Variants in GRID2 observed in about 807,000 individuals in gnomAD.
GRID2 encodes glutamate receptor ionotropic, delta-2.
Under a neutral mutation model 114.8 loss-of-function variants are expected in GRID2, and 33 were observed. The ratio of observed to expected loss-of-function variants is 0.29; its 90% CI spans 0.22 to 0.38. GRID2 has a LOEUF of 0.38. Ranked by LOEUF, GRID2 falls within the 10% of genes least tolerant of loss-of-function variation. The probability of loss-of-function intolerance (pLI) is 1.00; values close to 1 mark genes in which losing one functional copy is unlikely to be tolerated. For missense variants in GRID2, 1,184 were observed against 1,257.7 expected, an observed-to-expected ratio of 0.94 and a Z score of 0.89; for synonymous variants, 505 against 449.9, an observed-to-expected ratio of 1.12 and a Z score of -1.55.
At chr4:93,719,941 G>A (rs1729211730) in intron 14 of GRID2, among the ~76,000 whole-genome samples, 1 of 152,026 alleles carries the variant, frequency 6.6e-6, no homozygotes, top group Non-Finnish European at 1.5e-5. Flanking sequence ...TCTCTCCCTG[G>A]TCTCAAGCTG....
At chr4:93,039,058 G>T (rs1725229137) in intron 2 of GRID2, among the ~76,000 whole-genome samples, 1 of 152,008 alleles carries the variant, frequency 6.6e-6, no homozygotes, top group Admixed American at 6.6e-5. Flanking sequence ...GCAAAAACTT[G>T]GAACCAACCC....
intron 1 of GRID2, among the ~76,000 whole-genome samples, chr4:92,406,722 A>C (rs1731043732): frequency 6.6e-6 from 1 of 150,740 alleles, no homozygotes; most frequent in Non-Finnish European, 1.5e-5. Context: ...CCATCTAGTG[A>C]TGCCCAGTGT....
At chr4:93,482,716 A>G (rs1462380047) in intron 11 of GRID2, among the ~76,000 whole-genome samples, 1 of 151,912 alleles carries the variant, frequency 6.6e-6, no homozygotes, top group Non-Finnish European at 1.5e-5. Flanking sequence ...AAATAAATAA[A>G]TAAATTCTAA....
At chr4:93,284,474 A>G (rs2149132644) in intron 8 of GRID2, among the ~76,000 whole-genome samples, 1 of 152,104 alleles carries the variant, frequency 6.6e-6, no homozygotes, top group South Asian at 2.1e-4. Flanking sequence ...TTACCTATGT[A>G]ACAAACCTGC....
At chr4:92,485,326 ATATATATATATATATATATATAGTGT>A (rs1314022931) in intron 1 of GRID2, among the ~76,000 whole-genome samples, 7 of 110,258 alleles carry the variant, frequency 6.3e-5, no homozygotes, top group African/African-American at 3.4e-5. Flanking sequence ...ATATATATAT[ATATATATATATATATATATATAGTGT>A]GTGTGTGTGT....
At chr4:93,373,634 G>A (rs1262023247) in intron 8 of GRID2, among the ~76,000 whole-genome samples, 2 of 152,150 alleles carry the variant, frequency 1.3e-5, no homozygotes, top group Non-Finnish European at 2.9e-5. Context: ...ATTTGTAACT[G>A]AATCTTTGCT....
chr4:93,805,477 C>G (rs573578019), intron 1 of GRID2, among the ~76,000 whole-genome samples: 2 of 152,290 alleles, frequency 1.3e-5, no homozygotes, highest in Non-Finnish European at 2.9e-5. Flanking sequence ...AAATTACTTG[C>G]TGAAATAACT....
chr4:92,757,658 A>G (rs1026005456), intron 2 of GRID2, among the ~76,000 whole-genome samples: 6 of 152,082 alleles, frequency 3.9e-5, no homozygotes, highest in Non-Finnish European at 8.8e-5. Context: ...ATAAAGGGCC[A>G]TAAATTCAGC....
Position 93,511,693 on chromosome 4 carries a change from C to A in GRID2, c.1998-3523C>A, listed in dbSNP as rs142929157. On this transcript the variant is annotated intron_variant, in intron 12 of 15. Transcript: ENST00000282020. ...TGAGATATGTGGTTAGGTAGAGAAA[C>A]AGAGTATACTATGAGTTATACATAC... Among the ~76,000 whole-genome samples, 610 of 151,938 alleles carry A rather than the reference C, an allele frequency of 4.0e-3. 3 individuals carry two copies. The highest frequency in any genetic ancestry group is 0.014 in the African/African-American group (568 of 41,446).
intron 1 of GRID2, among the ~76,000 whole-genome samples, chr4:92,433,401 G>T (rs546852526): frequency 3.1e-4 from 47 of 152,346 alleles, no homozygotes; most frequent in African/African-American, 1.1e-3. Flanking sequence ...TGCAATGGCG[G>T]TGCTTGCCAG....
rs1578785755 is a variant in GRID2, at chr4:93,773,563, A to T, written c.*1065A>T. Reference sequence around the variant, plus strand: ...TAATTTTACTTTTAATTAATTATCTAAATGAAAAATGCTATTAGCTGAACC... The same window carrying T: ...TAATTTTACTTTTAATTAATTATCTTAATGAAAAATGCTATTAGCTGAACC... On this transcript the variant is annotated 3_prime_UTR_variant, in exon 16 of 16. Transcript: ENST00000282020. 6.6e-6 allele frequency: 1 copy of T among 152,154 alleles called. No individual in the cohort carries two copies. 9.4% of individuals were successfully genotyped at this position (152,154 alleles called of 1,614,324 possible). A position where few individuals can be genotyped will look rare whatever the true frequency, so the allele number is the denominator to read the frequency against.
chr4:92,644,277 A>G (rs963233962), intron 2 of GRID2, among the ~76,000 whole-genome samples: 7 of 151,834 alleles, frequency 4.6e-5, no homozygotes, highest in African/African-American at 1.7e-4. Flanking sequence ...CATATAAGTA[A>G]AATGTATTTA....
chr4:92,742,558 G>A (rs1035552716), intron 2 of GRID2, among the ~76,000 whole-genome samples: 1 of 152,102 alleles, frequency 6.6e-6, no homozygotes, highest in African/African-American at 2.4e-5. Context: ...TTAAGTTCAA[G>A]GATGAGCATT....
intron 2 of GRID2, among the ~76,000 whole-genome samples, chr4:92,899,616 T>C (rs1306912095): frequency 1.3e-5 from 2 of 152,190 alleles, no homozygotes; most frequent in African/African-American, 4.8e-5. Context: ...ATTTACATTT[T>C]TTACAAACAA....
Position 93,313,828 on chromosome 4 carries a change from G to T in GRID2, c.1245+75338G>T, listed in dbSNP as rs577096151. ...AAGTTCTTGCAGTTTTCATAAGGGGGTTGGTTTAGAATTCCTACAGTCAAA... is the reference window on the plus strand; with the variant it reads ...AAGTTCTTGCAGTTTTCATAAGGGGTTTGGTTTAGAATTCCTACAGTCAAA... On this transcript the variant is annotated intron_variant, in intron 8 of 15. Transcript: ENST00000282020. 7.2e-5 allele frequency among the ~76,000 whole-genome samples: 11 copies of T among 152,254 alleles called. No individual in the cohort carries two copies. In the South Asian group the frequency reaches 2.3e-3, roughly 32 times the overall value.
At chr4:93,591,869 G>A (rs1391266756) in intron 13 of GRID2, among the ~76,000 whole-genome samples, 7 of 152,044 alleles carry the variant, frequency 4.6e-5, no homozygotes, top group African/African-American at 1.4e-4. Flanking sequence ...ATTCTCTGAT[G>A]GTAGTTTGTA....
At chr4:92,323,117 G>C (rs1173442383) in intron 1 of GRID2, among the ~76,000 whole-genome samples, 1 of 151,998 alleles carries the variant, frequency 6.6e-6, no homozygotes, top group East Asian at 1.9e-4. Flanking sequence ...AAAATGTAAA[G>C]ATAGTTTACC....
At chr4:93,656,084 G>C (rs1441902500) in intron 14 of GRID2, among the ~76,000 whole-genome samples, 1 of 150,946 alleles carries the variant, frequency 6.6e-6, no homozygotes, top group Non-Finnish European at 1.5e-5. Context: ...AGTACATCAA[G>C]GCAAGTTTAA....
At chr4:92,408,508 C>CTGTG (rs974768493) in intron 1 of GRID2, among the ~76,000 whole-genome samples, 21 of 69,852 alleles carry the variant, frequency 3.0e-4, no homozygotes, top group African/African-American at 1.1e-3. Context: ...TTTTCTAATT[C>CTGTG]TGTGAAAATG....
Sources: gnomAD v4.1 joint callset for allele counts (sites outside exome capture counted in the v4.1 genomes callset) on GRCh38, gnomAD v4.1.1 for gene constraint, MANE v1.5 for transcripts, NCBI Gene and HGNC (gene_info 2026-07-23, HGNC 2026-07-21) for gene names.